Variants in EFHB observed in about 807,000 individuals in gnomAD.
The protein encoded by EFHB is EF-hand domain family member B, also known as EF-hand domain-containing family member B.
EFHB carries 91 observed loss-of-function variants against 87.2 expected under a neutral mutation model. That is an observed-to-expected ratio of 1.04 (90% CI 0.88 to 1.24). EFHB has a LOEUF of 1.24. Among genes scored for constraint, EFHB ranks in the 50% most tolerant of loss-of-function variants. EFHB has a pLI of 0.00. For synonymous variants in EFHB, 325 were observed against 333.6 expected (o/e 0.97, Z 0.28); for missense variants, 1,084 against 998.8 (o/e 1.09, Z -1.15).
Position 19,883,362 on chromosome 3 carries a change from G to A in EFHB, c.2147-631C>T, listed in dbSNP as rs569426846. The stretch of plus-strand genomic sequence containing the variant: ...AGATGACTTCAATTTTATTTCTATT[G>A]GACAACACAGTCTAACGAGAGTAAC... On this transcript the variant is annotated intron_variant, in intron 11 of 12. Transcript: ENST00000295824. Among the ~76,000 whole-genome samples, 4 of 152,080 alleles carry A rather than the reference G, an allele frequency of 2.6e-5. No individual in the cohort carries two copies. The East Asian group carries it at 7.7e-4, about 29-fold the overall frequency.
chr3:19,885,119 G>T (rs1559444119), intron 10 of EFHB, among the ~76,000 whole-genome samples: 1 of 152,014 alleles, frequency 6.6e-6, no homozygotes, highest in Admixed American at 6.6e-5. Context: ...CTACTCAGGA[G>T]GCTGAGACAG....
intron 1 of EFHB, among the ~76,000 whole-genome samples, chr3:19,925,399 A>G (rs1695586834): frequency 6.6e-6 from 1 of 152,158 alleles, no homozygotes; most frequent in Non-Finnish European, 1.5e-5. Context: ...AATGTATATG[A>G]ATACCTCTAA....
chr3:19,924,149 T>C (rs1162663098), intron 1 of EFHB, among the ~76,000 whole-genome samples: 7 of 152,150 alleles, frequency 4.6e-5, no homozygotes, highest in Non-Finnish European at 2.9e-5. Flanking sequence ...CTTTCTAATT[T>C]TAGCATTCTT....
intron 1 of EFHB, among the ~76,000 whole-genome samples, chr3:19,939,546 G>A (rs1028825890): frequency 1.0e-4 from 15 of 145,982 alleles, no homozygotes; most frequent in Middle Eastern, 3.5e-3. Flanking sequence ...CACCACACCC[G>A]GCTAATTTTT....
At chr3:19,884,960 G>A (rs929553294) in intron 10 of EFHB, among the ~76,000 whole-genome samples, 3 of 151,120 alleles carry the variant, frequency 2.0e-5, no homozygotes, top group South Asian at 2.1e-4. Context: ...GGTGGCTCAC[G>A]CCTGTAATCC....
intron 1 of EFHB, among the ~76,000 whole-genome samples, chr3:19,923,718 G>A (rs1695518346): frequency 6.6e-6 from 1 of 152,056 alleles, no homozygotes; most frequent in Non-Finnish European, 1.5e-5. Context: ...AGTTTGAAAG[G>A]GAGGGGCAAA....
chr3:19,923,271 A>T (rs9875682), intron 1 of EFHB, among the ~76,000 whole-genome samples: 8,504 of 151,452 alleles, frequency 0.056, 778 homozygotes, highest in African/African-American at 0.19. Context: ...CTGTCTCAAA[A>T]GGAAAAAAAA....
chr3:19,945,596 T>A (rs968926261), intron 1 of EFHB, among the ~76,000 whole-genome samples: 1 of 152,100 alleles, frequency 6.6e-6, no homozygotes, highest in Non-Finnish European at 1.5e-5. Context: ...GTGGAATAGG[T>A]TTCGTTTTGG....
chr3:19,913,851 A>G (rs1046131514), intron 5 of EFHB, among the ~76,000 whole-genome samples: 2 of 152,248 alleles, frequency 1.3e-5, no homozygotes, highest in Admixed American at 1.3e-4. Context: ...AGACCAATGG[A>G]ACAGAATAAA....
intron 9 of EFHB, among the ~76,000 whole-genome samples, chr3:19,889,576 G>A (rs1694235173): frequency 1.3e-5 from 2 of 152,166 alleles, no homozygotes; most frequent in African/African-American, 2.4e-5. Flanking sequence ...CCTGGAGAAC[G>A]AGAAACTGAC....
intron 5 of EFHB, among the ~76,000 whole-genome samples, chr3:19,907,384 A>T (rs2125137573): frequency 6.6e-6 from 1 of 152,322 alleles, no homozygotes; most frequent in Non-Finnish European, 1.5e-5. Context: ...AAGTAAGGAC[A>T]TTGTATGGGA....
At chr3:19,905,478 CT>C in intron 6 of EFHB, 141 bp downstream of exon 6, 1 of 928,114 alleles carries the variant, frequency 1.1e-6, no homozygotes, top group South Asian at 1.9e-5. Context: ...ATACATTACA[CT>C]GTTTTTTCTA....
At chr3:19,941,032 T>C (rs1468140146) in intron 1 of EFHB, 2 of 333,382 alleles carry the variant, frequency 6.0e-6, no homozygotes, top group East Asian at 6.7e-5. Flanking sequence ...TTCAGATTTG[T>C]TGCCAGACAG....
intron 4 of EFHB, among the ~76,000 whole-genome samples, chr3:19,916,371 C>T (rs1695231148): frequency 6.6e-6 from 1 of 151,924 alleles, no homozygotes. Context: ...AAAAATTAGA[C>T]AGGCGTGGTG....
At chr3:19,885,457 G>A (rs1368243090) in intron 10 of EFHB, among the ~76,000 whole-genome samples, 1 of 152,200 alleles carries the variant, frequency 6.6e-6, no homozygotes, top group East Asian at 1.9e-4. Context: ...AAAACCCTGA[G>A]ATAGAACTGA....
At chr3:19,883,961 C>G (rs1347008672) in intron 11 of EFHB, among the ~76,000 whole-genome samples, 1 of 152,154 alleles carries the variant, frequency 6.6e-6, no homozygotes, top group Non-Finnish European at 1.5e-5. Flanking sequence ...ATTAAGACAC[C>G]AGTTTGTGGT....
chr3:19,884,198 C>A (rs2071753704), intron 11 of EFHB, among the ~76,000 whole-genome samples: 1 of 152,072 alleles, frequency 6.6e-6, no homozygotes, highest in Admixed American at 6.6e-5. Context: ...TATAAAGAAT[C>A]ATTTTACTTT....
chr3:19,918,094 T>G (rs1294221068), intron 4 of EFHB, 138 bp downstream of exon 4: 1 of 1,007,174 alleles, frequency 9.9e-7, no homozygotes, highest in Non-Finnish European at 1.4e-6. Context: ...GTAACTTTCT[T>G]GCAACAATCC....
At chr3:19,917,313 TGTGTCATATTTTTTAAAAC>T (rs1695267444) in intron 4 of EFHB, among the ~76,000 whole-genome samples, 1 of 151,892 alleles carries the variant, frequency 6.6e-6, no homozygotes, top group Admixed American at 6.6e-5. Context: ...ACATTTTTCA[TGTGTCATATTTTTTAAAAC>T]TTCAGATATG....
Sources: gnomAD v4.1 joint callset for allele counts (sites outside exome capture counted in the v4.1 genomes callset) on GRCh38, gnomAD v4.1.1 for gene constraint, MANE v1.5 for transcripts, NCBI Gene and HGNC (gene_info 2026-07-23, HGNC 2026-07-21) for gene names.